ARHGEF12: variants seen among roughly 807,000 people sequenced by gnomAD.
ARHGEF12 encodes KMT2A/ARHGEF12 fusion protein.
A neutral mutation model predicts 211.2 loss-of-function variants in ARHGEF12; 66 were observed. The observed-to-expected ratio is 0.31, with a 90% CI of 0.26 to 0.38. The LOEUF is 0.38. Among genes scored for constraint, ARHGEF12 ranks in the 10% least tolerant of loss-of-function variants. The probability of loss-of-function intolerance (pLI) is 1.00; values close to 1 mark genes in which losing one functional copy is unlikely to be tolerated. For synonymous variants in ARHGEF12, 592 were observed against 638.4 expected, an observed-to-expected ratio of 0.93 and a Z score of 1.09; for missense variants, 1,429 against 1,869.5, an observed-to-expected ratio of 0.76 and a Z score of 4.34.
Position 120,447,899 on chromosome 11 carries a change from G to T in ARHGEF12, c.1615G>T (p.Asp539Tyr). Residue 539 changes from aspartate (D) to tyrosine (Y), a missense_variant, in exon 19 of 41, where the codon GAT becomes TAT. Transcript: ENST00000397843. ...GATGACTGCTCAGGCTGTAGAGGAA[G>T]ATAAGAGGTAACATAACTGTTTTTT... ...VLMTAQAVEE[D>Y]KSSTMQYVIL... is the part of the protein sequence containing the mutation. 6.4e-7 allele frequency: 1 copy of T among 1,567,640 alleles called. No individual in the cohort carries two copies.
intron 1 of ARHGEF12, among the ~76,000 whole-genome samples, chr11:120,373,959 C>T (rs1943657282): frequency 2.0e-5 from 3 of 152,160 alleles, no homozygotes; most frequent in Admixed American, 2.0e-4. Flanking sequence ...AGGCATGCAC[C>T]ACCACGCCCG....
intron 4 of ARHGEF12, chr11:120,410,336 A>G (rs1591555306): frequency 6.6e-6 from 1 of 151,404 alleles, no homozygotes; most frequent in Middle Eastern, 3.4e-3. Context: ...AAAGTGAATA[A>G]GAGAGGAATT....
intron 1 of ARHGEF12, among the ~76,000 whole-genome samples, chr11:120,389,558 G>A (rs2135490021): frequency 6.6e-6 from 1 of 152,270 alleles, no homozygotes; most frequent in South Asian, 2.1e-4. Flanking sequence ...AATCACATCA[G>A]GGTGGATGGG....
chr11:120,360,346 C>T (rs552812690), intron 1 of ARHGEF12, among the ~76,000 whole-genome samples: 1 of 152,274 alleles, frequency 6.6e-6, no homozygotes, highest in Admixed American at 6.5e-5. Flanking sequence ...CTTATAACCC[C>T]TAAACTGTAA....
At chr11:120,458,285 G>C in intron 25 of ARHGEF12, 51 bp downstream of exon 25, 5 of 1,602,042 alleles carry the variant, frequency 3.1e-6, no homozygotes, top group East Asian at 2.2e-5. Flanking sequence ...AGTTTTGTCA[G>C]AGTGAATTAA....
chr11:120,479,883 C>G lies in ARHGEF12; in HGVS notation c.3767-77C>G. On this transcript the variant is annotated intron_variant, in intron 37 of 40. Transcript: ENST00000397843. The stretch of plus-strand genomic sequence containing the variant: ...TTTTAAAGATAGATCATTGGTAAGT[C>G]AGCTAATTTAATTCTTGCAGCCTGA... 2.5e-6 allele frequency: 3 copies of G among 1,185,576 alleles called. No individual in the cohort carries two copies. In the African/African-American group the frequency reaches 4.6e-5, roughly 18 times the overall value. 73.4% of individuals were successfully genotyped at this position (1,185,576 alleles called of 1,614,324 possible). A position where few individuals can be genotyped will look rare whatever the true frequency, so the allele number is the denominator to read the frequency against.
intron 1 of ARHGEF12, among the ~76,000 whole-genome samples, chr11:120,374,359 A>T (rs2135423300): frequency 6.6e-6 from 1 of 152,358 alleles, no homozygotes; most frequent in East Asian, 1.9e-4. Context: ...CCAGGGATAC[A>T]GAAGAAACGT....
chr11:120,381,611 C>T (rs1032532280), intron 1 of ARHGEF12, among the ~76,000 whole-genome samples: 3 of 152,228 alleles, frequency 2.0e-5, no homozygotes, highest in Non-Finnish European at 4.4e-5. Context: ...TCGCAATCCA[C>T]ATTTCATCTT....
chr11:120,425,606 T>C (rs1001780299), intron 7 of ARHGEF12, among the ~76,000 whole-genome samples: 1 of 152,090 alleles, frequency 6.6e-6, no homozygotes, highest in Non-Finnish European at 1.5e-5. Flanking sequence ...CAAGATTTTA[T>C]ATTTTCTAAT....
chr11:120,487,975 A>G lies in ARHGEF12; in HGVS notation c.*2898A>G, dbSNP rs149359382. The G allele has an allele frequency of 4.5e-5, 10 of 221,314 alleles. No individual in the cohort carries two copies. The highest frequency in any genetic ancestry group is 2.2e-4 in the African/African-American group (10 of 44,828). 13.7% of individuals were successfully genotyped at this position (221,314 alleles called of 1,614,324 possible). On this transcript the variant is annotated 3_prime_UTR_variant, in exon 41 of 41. Coordinates refer to ENST00000397843, the MANE Select transcript of ARHGEF12 (RefSeq NM_015313.3). ...AACCGAAATTGTAACTATGTATTGT[A>G]TTTCATGGGAGGTATATTTTATGAG...
intron 10 of ARHGEF12, among the ~76,000 whole-genome samples, chr11:120,430,075 T>C (rs1255428747): frequency 6.6e-6 from 1 of 152,110 alleles, no homozygotes; most frequent in African/African-American, 2.4e-5. Flanking sequence ...ATTGAGTGCT[T>C]TTGCTTTGAT....
At position 120,440,215 on chromosome 11, in the gene ARHGEF12, T is replaced by C. The variant is rs576114182; in HGVS notation, c.1086T>C (p.His362=). 2 of 1,611,750 alleles carry C rather than the reference T, an allele frequency of 1.2e-6. No individual in the cohort carries two copies. Among genetic ancestry groups the C allele is most frequent in the East Asian group, 2.2e-5 (1 of 44,828 alleles). ...GAEDDDFGTE[H]EQINGQCSCF... is the part of the protein sequence containing the mutation. ...AAGATGATGATTTTGGTACTGAACA[T>C]GAACAGGTGATGACTTTTTTCTTTC... The change falls in exon 13 of 41, where the codon CAT becomes CAC. Residue 362 remains histidine, a synonymous_variant. Coordinates refer to ENST00000397843, the MANE Select transcript of ARHGEF12 (RefSeq NM_015313.3).
chr11:120,347,149 TTCCTTCCTTCCTTCCTTCCTTCCTTC>T (rs1411644433), intron 1 of ARHGEF12, among the ~76,000 whole-genome samples: 130 of 47,116 alleles, frequency 2.8e-3, no homozygotes, highest in Middle Eastern at 8.1e-3. Flanking sequence ...CCTTCCTTCC[TTCCTTCCTTCCTTCCTTCCTTCCTTC>T]CTTCCTTCCT....
chr11:120,447,422 C>A (rs1196269181), intron 18 of ARHGEF12, among the ~76,000 whole-genome samples: 1 of 152,044 alleles, frequency 6.6e-6, no homozygotes, highest in Non-Finnish European at 1.5e-5. Context: ...GAGGGTGAAA[C>A]AGATAAGGTT....
chr11:120,462,558 G>C (rs1946564898), intron 27 of ARHGEF12: 1 of 152,126 alleles, frequency 6.6e-6, no homozygotes. Flanking sequence ...TGTAAAAAAT[G>C]GAGTATCTGC....
intron 4 of ARHGEF12, among the ~76,000 whole-genome samples, chr11:120,420,119 AT>A (rs1346175384): frequency 6.6e-6 from 1 of 152,146 alleles, no homozygotes; most frequent in Non-Finnish European, 1.5e-5. Context: ...GAGCTCACAG[AT>A]TCTTTATCTT....
chr11:120,442,987 T>G (rs1450368548), intron 15 of ARHGEF12, among the ~76,000 whole-genome samples: 1 of 151,910 alleles, frequency 6.6e-6, no homozygotes, highest in Non-Finnish European at 1.5e-5. Context: ...TACCATGTAC[T>G]CTACTCTTTC....
intron 21 of ARHGEF12, chr11:120,450,401 G>A (rs1429638925): frequency 6.7e-6 from 1 of 150,002 alleles, no homozygotes; most frequent in Admixed American, 6.6e-5. Context: ...AAAGATATTG[G>A]CATGGTAGAG....
intron 1 of ARHGEF12, among the ~76,000 whole-genome samples, chr11:120,344,810 T>G (rs1942653474): frequency 6.6e-6 from 1 of 152,252 alleles, no homozygotes; most frequent in Non-Finnish European, 1.5e-5. Context: ...CTTAGTCATT[T>G]GCAGGTTACT....
Sources: gnomAD v4.1 joint callset for allele counts (sites outside exome capture counted in the v4.1 genomes callset) on GRCh38, gnomAD v4.1.1 for gene constraint, MANE v1.5 for transcripts, NCBI Gene and HGNC (gene_info 2026-07-23, HGNC 2026-07-21) for gene names.